The following KATNIP variants were observed in gnomAD, a reference collection of about 807,000 sequenced individuals.
KATNIP encodes katanin interacting protein.
A neutral mutation model predicts 174.0 loss-of-function variants in KATNIP; 126 were observed. That is an observed-to-expected ratio of 0.72 (90% CI 0.63 to 0.84). The LOEUF (loss-of-function observed/expected upper bound fraction) is 0.84. Among genes scored for constraint, KATNIP ranks in the 40% least tolerant of loss-of-function variants. The probability of loss-of-function intolerance (pLI) is 0.00; values close to 1 mark genes in which losing one functional copy is unlikely to be tolerated. For synonymous variants in KATNIP, 810 were observed against 835.7 expected, an observed-to-expected ratio of 0.97 and a Z score of 0.53; for missense variants, 1,958 against 2,109.7, an observed-to-expected ratio of 0.93 and a Z score of 1.41.
intron 13 of KATNIP, among the ~76,000 whole-genome samples, chr16:27,711,984 C>T (rs2079594270): frequency 6.6e-6 from 1 of 152,178 alleles, no homozygotes; most frequent in South Asian, 2.1e-4. Context: ...GCCTTCGCCA[C>T]CCCTCCCCTG....
intron 5 of KATNIP, chr16:27,643,052 AC>A (rs1368503187): frequency 1.3e-5 from 2 of 152,248 alleles, no homozygotes; most frequent in African/African-American, 4.8e-5. Context: ...CTGGAACACA[AC>A]CGTGCCCATT....
chr16:27,560,439 T>C (rs2089832831), intron 1 of KATNIP, among the ~76,000 whole-genome samples: 1 of 152,174 alleles, frequency 6.6e-6, no homozygotes, highest in Non-Finnish European at 1.5e-5. Context: ...CTGGGACATG[T>C]GCTGATGACC....
intron 13 of KATNIP, among the ~76,000 whole-genome samples, chr16:27,721,317 G>A (rs1451493029): frequency 6.6e-6 from 1 of 152,138 alleles, no homozygotes; most frequent in East Asian, 1.9e-4. Context: ...CAGATCAGAG[G>A]GGTCCGTGTG....
intron 15 of KATNIP, among the ~76,000 whole-genome samples, chr16:27,748,370 G>T (rs2081370432): frequency 6.6e-6 from 1 of 152,182 alleles, no homozygotes. Flanking sequence ...CGAATCGCTT[G>T]AGCCCAGAGT....
chr16:27,774,901 C>T lies in KATNIP; in HGVS notation c.4310-44C>T, dbSNP rs200819112. 6.9e-5 allele frequency: 111 copies of T among 1,611,918 alleles called. No homozygotes were observed. In the East Asian group the frequency reaches 2.1e-3, roughly 30 times the overall value. The stretch of plus-strand genomic sequence containing the variant: ...TCAGCCTGAGGGTGGCTGGCAGCCC[C>T]GAGCACACAGATTTGGGTTATGGCA... On this transcript the variant is annotated intron_variant, in intron 23 of 27. Coordinates refer to ENST00000261588, the MANE Select transcript of KATNIP (RefSeq NM_015202.5).
chr16:27,672,221 A>AC (rs550709458), intron 6 of KATNIP, among the ~76,000 whole-genome samples: 318 of 152,086 alleles, frequency 2.1e-3, no homozygotes, highest in African/African-American at 7.2e-3. Context: ...TAGGGAACAC[A>AC]TGCCTTCCAG....
chr16:27,722,036 G>A (rs1009771578), intron 14 of KATNIP, among the ~76,000 whole-genome samples: 14 of 152,318 alleles, frequency 9.2e-5, no homozygotes, highest in East Asian at 1.9e-4. Flanking sequence ...GAATGTGAAC[G>A]CCTGCATTTG....
At chr16:27,684,442 C>T (rs1409660052) in intron 8 of KATNIP, among the ~76,000 whole-genome samples, 3 of 152,182 alleles carry the variant, frequency 2.0e-5, no homozygotes, top group Non-Finnish European at 2.9e-5. Context: ...CAGTAACATG[C>T]CTGAAAATCA....
intron 1 of KATNIP, among the ~76,000 whole-genome samples, chr16:27,559,208 G>A (rs778249552): frequency 4.6e-5 from 7 of 152,142 alleles, no homozygotes; most frequent in Non-Finnish European, 7.4e-5. Context: ...GATGTCCCAT[G>A]GGGCTTTGCA....
rs539635663 is a variant in KATNIP, at chr16:27,648,648, C to T, written c.453C>T (p.Ile151=). ...IRTEAGPRLH[I]EPPVDYSDDF... ...CAGAAGCTGGCCCACGGCTCCACAT[C>T]GAACCTCCTGTGGACTATTCTGATG... Residue 151 remains isoleucine, a synonymous_variant, in exon 6 of 28, where the codon ATC becomes ATT. Coordinates refer to ENST00000261588, the MANE Select transcript of KATNIP (RefSeq NM_015202.5). 12 of 1,614,176 alleles carry T rather than the reference C, an allele frequency of 7.4e-6. No homozygotes were observed. Among genetic ancestry groups the T allele is most frequent in the Admixed American group, 1.7e-5 (1 of 60,026 alleles).
In KATNIP at chr16:27,648,712, A is replaced by T; in HGVS notation, c.517A>T (p.Asn173Tyr). Residue 173 changes from asparagine to tyrosine, a missense_variant, in exon 6 of 28, where the codon AAC (asparagine) becomes TAC (tyrosine). Coordinates refer to ENST00000261588, the MANE Select transcript of KATNIP (RefSeq NM_015202.5). Reference sequence around the variant, plus strand: ...TGGGGATGTGACTCTCCAGGCAAACAACACTTCTGAGGATCGTCCGCAGGT... The same window carrying T: ...TGGGGATGTGACTCTCCAGGCAAACTACACTTCTGAGGATCGTCCGCAGGT... ...LCGDVTLQAN[N>Y]TSEDRPQELR... is the part of the protein sequence containing the mutation. The T allele has an allele frequency of 6.2e-7, 1 of 1,614,064 alleles. No individual in the cohort carries two copies. The highest frequency in any genetic ancestry group is 8.5e-7 in the Non-Finnish European group (1 of 1,179,998).
intron 6 of KATNIP, among the ~76,000 whole-genome samples, chr16:27,676,992 G>A (rs537868103): frequency 6.6e-6 from 1 of 152,220 alleles, no homozygotes; most frequent in South Asian, 2.1e-4. Context: ...TTTTGTCCCA[G>A]TGTAAATATA....
intron 7 of KATNIP, 97 bp downstream of exon 7, chr16:27,678,093 G>A: frequency 7.2e-7 from 1 of 1,394,966 alleles, no homozygotes. Flanking sequence ...TCCTCTTTGG[G>A]TAGAGTGTCT....
intron 1 of KATNIP, among the ~76,000 whole-genome samples, chr16:27,561,223 A>G (rs2089870281): frequency 6.7e-6 from 1 of 149,368 alleles, no homozygotes; most frequent in South Asian, 2.1e-4. Flanking sequence ...GGGTTTCACC[A>G]TATTGGTCAG....
intron 5 of KATNIP, among the ~76,000 whole-genome samples, chr16:27,642,312 A>G (rs1399422137): frequency 6.6e-6 from 1 of 152,140 alleles, no homozygotes; most frequent in Non-Finnish European, 1.5e-5. Flanking sequence ...TATCGCAAGA[A>G]CAAAAAACCA....
chr16:27,586,568 A>G (rs2090905736), intron 2 of KATNIP, among the ~76,000 whole-genome samples: 1 of 147,814 alleles, frequency 6.8e-6, no homozygotes, highest in Non-Finnish European at 1.5e-5. Context: ...GTGGCTCACA[A>G]CTGTAATCCC....
intron 1 of KATNIP, among the ~76,000 whole-genome samples, chr16:27,561,167 A>G (rs1306718884): frequency 6.8e-6 from 1 of 146,960 alleles, no homozygotes; most frequent in Non-Finnish European, 1.5e-5. Context: ...GCCCACCACC[A>G]TGCCTGTCTA....
intron 2 of KATNIP, among the ~76,000 whole-genome samples, chr16:27,576,691 A>G (rs2090510681): frequency 6.6e-6 from 1 of 151,670 alleles, no homozygotes; most frequent in Admixed American, 6.6e-5. Flanking sequence ...CTCTCGTCTG[A>G]CAGATTATAA....
chr16:27,707,971 G>T (rs986640834), intron 12 of KATNIP, among the ~76,000 whole-genome samples: 9 of 151,890 alleles, frequency 5.9e-5, no homozygotes, highest in Admixed American at 2.6e-4. Flanking sequence ...CTGAGGTACT[G>T]GGGATTAGAG....
Sources: allele counts gnomAD v4.1 joint callset (sites outside exome capture counted in the v4.1 genomes callset), GRCh38; gene constraint gnomAD v4.1.1; transcripts MANE v1.5; gene names NCBI Gene and HGNC (gene_info 2026-07-23, HGNC 2026-07-21).